Variants in CXADR observed in about 807,000 individuals in gnomAD.
The protein encoded by CXADR is coxsackievirus and adenovirus receptor.
CXADR carries 20 observed loss-of-function variants against 40.3 expected under a neutral mutation model. The observed-to-expected ratio is 0.50, with a 90% CI of 0.35 to 0.72. The LOEUF (loss-of-function observed/expected upper bound fraction) is 0.72, where lower values mean the gene tolerates loss of function less well. CXADR is among the 30% of genes least tolerant of loss of function. The pLI is 0.01. For synonymous variants in CXADR, 150 were observed against 161.3 expected (o/e 0.93, Z 0.53); for missense variants, 332 against 449.1 (o/e 0.74, Z 2.36).
Position 17,568,957 on chromosome 21 carries a change from C to A in CXADR, c.*3265C>A. 1 of 980,074 alleles carries A rather than the reference C, an allele frequency of 1.0e-6. No homozygotes were observed. The highest frequency in any genetic ancestry group is 1.2e-6 in the Non-Finnish European group (1 of 825,198). The allele number at this position is 980,074 out of a possible 1,614,324, so 60.7% of individuals were successfully genotyped here. On this transcript the variant is annotated 3_prime_UTR_variant, in exon 7 of 7. Transcript: ENST00000284878. ...AATCCAAATCACTATCCATATAGAT[C>A]ATGGATATAAAGAGATACCTGATTT...
chr21:17,623,649 G>A, the CXADR span, among the ~76,000 whole-genome samples: 2 of 152,066 alleles, frequency 1.3e-5, no homozygotes, highest in Non-Finnish European at 2.9e-5. Context: ...TAGCTGATAG[G>A]CATTTCATAC....
At chr21:17,513,698 G>A (rs2060422450) in intron 1 of CXADR, among the ~76,000 whole-genome samples, 1 of 152,338 alleles carries the variant, frequency 6.6e-6, no homozygotes, top group East Asian at 1.9e-4. Flanking sequence ...TAGGAAAGAG[G>A]CGCTGAGCGA....
chr21:17,541,262 C>A (rs753933333), intron 1 of CXADR, among the ~76,000 whole-genome samples: 19 of 152,108 alleles, frequency 1.2e-4, no homozygotes, highest in Non-Finnish European at 2.4e-4. Flanking sequence ...CCTAAAAATC[C>A]TATGTTCCGG....
the CXADR span, among the ~76,000 whole-genome samples, chr21:17,617,075 C>G: frequency 6.6e-6 from 1 of 152,200 alleles, no homozygotes; most frequent in Non-Finnish European, 1.5e-5. Context: ...ACTTTCCTCC[C>G]TACCTCAAAG....
rs868801442 is a variant in CXADR at position 17,551,842 on chromosome 21, G to A, written c.304G>A (p.Asp102Asn). 2 of 1,613,886 alleles carry A rather than the reference G, an allele frequency of 1.2e-6. No homozygotes were observed. The highest frequency in any genetic ancestry group is 8.5e-7 in the Non-Finnish European group (1 of 1,179,846). ...TACGAGTAATGATCTCAAATCTGGT[G>A]ATGCATCAATAAATGTAACGAATTT... ...HFTSNDLKSGDASINVTNLQL... is the reference protein window; with the variant it reads ...HFTSNDLKSGNASINVTNLQL... Residue 102 changes from aspartate (D) to asparagine (N), a missense_variant, in exon 3 of 7, where the codon GAT becomes AAT. Asp to Asn is a conservative substitution (Grantham distance 23, BLOSUM62 1). Coordinates refer to ENST00000284878, the MANE Select transcript of CXADR (RefSeq NM_001338.5).
chr21:17,598,595 A>G, the CXADR span: 1 of 1,605,846 alleles, frequency 6.2e-7, no homozygotes, highest in Admixed American at 1.7e-5. Flanking sequence ...TCCCTTTAAA[A>G]CTGAGCTGTT....
rs1157117899 is a variant in CXADR at position 17,534,100 on chromosome 21, ATT to A, written c.44-12903_44-12902del. 7.3e-3 allele frequency among the ~76,000 whole-genome samples: 434 copies of A among 59,744 alleles called. 2 individuals are homozygous for A. Among genetic ancestry groups the A allele is most frequent in the East Asian group, 0.014 (23 of 1,672 alleles). 39.2% of individuals were successfully genotyped at this position (59,744 alleles called of 152,430 possible). Reference sequence around the variant, plus strand: ...CACACACATATATATATATATATATATTTTTTTTTTTTTTTTTTTTTTTTTGA... The same window carrying A: ...CACACACATATATATATATATATATATTTTTTTTTTTTTTTTTTTTTTTGA... On this transcript the variant is annotated intron_variant, in intron 1 of 6. Coordinates refer to ENST00000284878, the MANE Select transcript of CXADR (RefSeq NM_001338.5).
intron 2 of CXADR, among the ~76,000 whole-genome samples, chr21:17,547,778 C>T (rs990294470): frequency 1.3e-5 from 2 of 151,742 alleles, no homozygotes; most frequent in Non-Finnish European, 2.9e-5. Context: ...TTTACTTTGA[C>T]TTTAAAACTT....
chr21:17,519,202 C>CA (rs1348589411), intron 1 of CXADR, among the ~76,000 whole-genome samples: 3 of 152,222 alleles, frequency 2.0e-5, no homozygotes, highest in African/African-American at 7.2e-5. Flanking sequence ...CAACTTAGCT[C>CA]ACTGCACTAG....
At chr21:17,531,213 C>T (rs1048735537) in intron 1 of CXADR, among the ~76,000 whole-genome samples, 3 of 151,666 alleles carry the variant, frequency 2.0e-5, no homozygotes, top group Admixed American at 6.6e-5. Context: ...GCAGGAGAAT[C>T]GCTTGAACCA....
intron 1 of CXADR, among the ~76,000 whole-genome samples, chr21:17,533,073 G>C (rs555051582): frequency 6.6e-6 from 1 of 152,028 alleles, no homozygotes; most frequent in South Asian, 2.1e-4. Context: ...GCTTCTTGTT[G>C]GTTGATTGAT....
At chr21:17,527,148 C>T (rs929292117) in intron 1 of CXADR, 8 of 152,066 alleles carry the variant, frequency 5.3e-5, no homozygotes, top group Non-Finnish European at 1.2e-4. Context: ...TCTTTTGACT[C>T]GTCAAGTGCA....
chr21:17,513,306 C>A (rs1371225166), intron 1 of CXADR, 134 bp downstream of exon 1: 8 of 900,276 alleles, frequency 8.9e-6, no homozygotes, highest in South Asian at 3.9e-5. Flanking sequence ...GGCGGCGGGG[C>A]GGGCAGAATT....
chr21:17,568,805 T>C lies in CXADR; in HGVS notation c.*3113T>C. ...TCTCACTCCCCCACCCCCAAAAATG[T>C]CTACTATTCATGACAGTAACCAATT... On this transcript the variant is annotated 3_prime_UTR_variant, in exon 7 of 7. Transcript: ENST00000284878. 1.2e-5 allele frequency: 12 copies of C among 985,252 alleles called. No individual in the cohort carries two copies. The highest frequency in any genetic ancestry group is 1.4e-5 in the Non-Finnish European group (12 of 829,938). 61.0% of individuals were successfully genotyped at this position (985,252 alleles called of 1,614,324 possible).
intron 7 of CXADR, among the ~76,000 whole-genome samples, chr21:17,583,110 T>C (rs1027166326): frequency 6.6e-6 from 1 of 152,204 alleles, no homozygotes; most frequent in African/African-American, 2.4e-5. Flanking sequence ...GGACATTTTA[T>C]GTGTTCACAG....
Position 17,513,120 on chromosome 21 carries a change from G to C in CXADR, c.-10G>C. 2.2e-6 allele frequency: 3 copies of C among 1,354,148 alleles called. No homozygotes were observed. In the South Asian group the frequency reaches 5.9e-5, roughly 27 times the overall value. The allele number at this position is 1,354,148 out of a possible 1,614,324, so 83.9% of individuals were successfully genotyped here. On this transcript the variant is annotated 5_prime_UTR_variant, in exon 1 of 7. Transcript: ENST00000284878. The stretch of plus-strand genomic sequence containing the variant: ...TACCTGCAGCCGCCGCCCACGGCAC[G>C]GCAGCCACCATGGCGCTCCTGCTGT...
the CXADR span, among the ~76,000 whole-genome samples, chr21:17,605,284 A>G: frequency 6.6e-6 from 1 of 152,196 alleles, no homozygotes; most frequent in Non-Finnish European, 1.5e-5. Context: ...ATGAGCACGG[A>G]GTATGAAAGT....
intron 1 of CXADR, among the ~76,000 whole-genome samples, chr21:17,524,817 G>A (rs1396916679): frequency 6.6e-6 from 1 of 151,958 alleles, no homozygotes; most frequent in Non-Finnish European, 1.5e-5. Context: ...GCTGAGGTAG[G>A]AGAATCACTT....
intron 1 of CXADR, among the ~76,000 whole-genome samples, chr21:17,517,323 T>C (rs1396473430): frequency 2.6e-5 from 4 of 152,262 alleles, no homozygotes; most frequent in African/African-American, 9.6e-5. Flanking sequence ...GTTTTACCAG[T>C]GCTCCCCCCA....
Sources: gnomAD v4.1 joint callset for allele counts (sites outside exome capture counted in the v4.1 genomes callset) on GRCh38, gnomAD v4.1.1 for gene constraint, MANE v1.5 for transcripts, NCBI Gene and HGNC (gene_info 2026-07-23, HGNC 2026-07-21) for gene names.